STAU2: variants seen among roughly 807,000 people sequenced by gnomAD.
STAU2 encodes double-stranded RNA-binding protein Staufen homolog 2.
Under a neutral mutation model 65.9 loss-of-function variants are expected in STAU2, and 20 were observed. The ratio of observed to expected loss-of-function variants is 0.30; its 90% CI spans 0.21 to 0.44. The LOEUF (loss-of-function observed/expected upper bound fraction) is 0.44. Ranked by LOEUF, STAU2 falls within the 20% of genes least tolerant of loss-of-function variation. The pLI is 1.00. For synonymous variants in STAU2, 232 were observed against 233.9 expected (o/e 0.99, Z 0.07); for missense variants, 558 against 683.9 (o/e 0.82, Z 2.05).
chr8:73,612,571 A>G (rs1211455784), intron 9 of STAU2, among the ~76,000 whole-genome samples: 1 of 152,202 alleles, frequency 6.6e-6, no homozygotes, highest in African/African-American at 2.4e-5. Context: ...TACATATAAC[A>G]TATAATTCCA....
chr8:73,444,669 C>T (rs905544428), intron 13 of STAU2, among the ~76,000 whole-genome samples: 2 of 152,172 alleles, frequency 1.3e-5, no homozygotes, highest in Admixed American at 1.3e-4. Context: ...TCTTATGTAT[C>T]TCAGTATCTT....
At position 73,651,146 on chromosome 8, in the gene STAU2, T is replaced by C. The variant is rs1815838914; in HGVS notation, c.410+21961A>G. ...CCTGCCGAGGTCTCCCTGGGGAGCCTCCCTGGCCCGGACCAGGCATCGGGC... is the reference window on the plus strand; with the variant it reads ...CCTGCCGAGGTCTCCCTGGGGAGCCCCCCTGGCCCGGACCAGGCATCGGGC... On this transcript the variant is annotated intron_variant, in intron 6 of 14. Coordinates refer to ENST00000524300, the MANE Select transcript of STAU2 (RefSeq NM_001164380.2). The C allele has an allele frequency of 3.1e-6, 4 of 1,278,552 alleles. No individual in the cohort carries two copies. The South Asian group carries it at 5.1e-5, about 16-fold the overall frequency. 79.2% of individuals were successfully genotyped at this position (1,278,552 alleles called of 1,614,324 possible).
At chr8:73,623,291 T>C (rs780838314) in intron 6 of STAU2, among the ~76,000 whole-genome samples, 2 of 152,204 alleles carry the variant, frequency 1.3e-5, no homozygotes, top group African/African-American at 2.4e-5. Context: ...CTCCCTACCA[T>C]TCTGTGACTG....
intron 5 of STAU2, among the ~76,000 whole-genome samples, chr8:73,682,983 T>TA (rs1360005875): frequency 6.6e-6 from 1 of 151,362 alleles, no homozygotes; most frequent in South Asian, 2.1e-4. Flanking sequence ...ACAACAACAA[T>TA]AAAAAAAGCC....
chr8:73,574,216 A>G (rs1006677663), intron 12 of STAU2, among the ~76,000 whole-genome samples: 3 of 152,240 alleles, frequency 2.0e-5, no homozygotes, highest in African/African-American at 7.2e-5. Context: ...ATACCATCTC[A>G]TACCAGTTAG....
intron 6 of STAU2, chr8:73,672,901 GAAA>G (rs11287395): frequency 1.3e-4 from 39 of 297,466 alleles, no homozygotes; most frequent in East Asian, 2.9e-4. Context: ...TGGGGTAGGG[GAAA>G]AAAAAAAAAA....
intron 13 of STAU2, among the ~76,000 whole-genome samples, chr8:73,505,428 T>C (rs931044521): frequency 6.6e-6 from 1 of 151,856 alleles, no homozygotes; most frequent in Non-Finnish European, 1.5e-5. Context: ...CTAAAAAAAT[T>C]GGAAATAAGA....
At chr8:73,649,622 A>C (rs1815673335) in intron 6 of STAU2, among the ~76,000 whole-genome samples, 1 of 151,984 alleles carries the variant, frequency 6.6e-6, no homozygotes, top group Non-Finnish European at 1.5e-5. Context: ...AAATAGGATT[A>C]ACAAACTCAA....
intron 6 of STAU2, among the ~76,000 whole-genome samples, chr8:73,664,096 T>C (rs928910065): frequency 7.9e-5 from 12 of 152,166 alleles, no homozygotes; most frequent in African/African-American, 2.9e-4. Flanking sequence ...CTGCGTTGCC[T>C]AGGCTGGAAT....
rs78690663 is a variant in STAU2 at position 73,595,786 on chromosome 8, A to G, written c.1030-489T>C. On this transcript the variant is annotated intron_variant, in intron 10 of 14. Coordinates refer to ENST00000524300, the MANE Select transcript of STAU2 (RefSeq NM_001164380.2). ...TTATATTAAATAGTTCCTGAAGAGA[A>G]TTAATATACAAGTGTTCCTACAACA... Among the ~76,000 whole-genome samples, 1,379 of 152,244 alleles carry G rather than the reference A, an allele frequency of 9.1e-3. 10 individuals are homozygous for G. Among genetic ancestry groups the G allele is most frequent in the Non-Finnish European group, 0.015 (1,026 of 68,002 alleles).
rs1006443208 is a variant in STAU2 at position 73,658,742 on chromosome 8, G to A, written c.410+14365C>T. 2.6e-5 allele frequency among the ~76,000 whole-genome samples: 4 copies of A among 151,812 alleles called. 1 individual carries two copies. Among genetic ancestry groups the A allele is most frequent in the East Asian group, 1.9e-4 (1 of 5,148 alleles). On this transcript the variant is annotated intron_variant, in intron 6 of 14. Transcript: ENST00000524300. ...AGCCTGGCCAACATGGTGAAACCCCGTCTTCACTACAAATACAAAAATTAG... is the reference window on the plus strand; with the variant it reads ...AGCCTGGCCAACATGGTGAAACCCCATCTTCACTACAAATACAAAAATTAG...
chr8:73,512,283 CA>C (rs2128924482), intron 13 of STAU2, among the ~76,000 whole-genome samples: 1 of 152,270 alleles, frequency 6.6e-6, no homozygotes, highest in African/African-American at 2.4e-5. Flanking sequence ...CTGCTATCCC[CA>C]AAAGCCTGCT....
Position 73,618,767 on chromosome 8 carries a change from G to T in STAU2, c.411-1316C>A, listed in dbSNP as rs558949694. 1.3e-4 allele frequency among the ~76,000 whole-genome samples: 20 copies of T among 152,320 alleles called. No homozygotes were observed. The South Asian group carries it at 1.4e-3, about 11-fold the overall frequency. On this transcript the variant is annotated intron_variant, in intron 6 of 14. Coordinates refer to ENST00000524300, the MANE Select transcript of STAU2 (RefSeq NM_001164380.2). ...GAAAGGTGACAGTGGCCTGAACTAGGGTGTAGCAATGGAAGTAACGAGAAG... is the reference window on the plus strand; with the variant it reads ...GAAAGGTGACAGTGGCCTGAACTAGTGTGTAGCAATGGAAGTAACGAGAAG...
Position 73,420,472 on chromosome 8 carries a change from C to T in STAU2, c.*900G>A, listed in dbSNP as rs1816315367. On this transcript the variant is annotated 3_prime_UTR_variant, in exon 15 of 15. Transcript: ENST00000524300. ...CTGGAAGCAACTCCAACAGGTTTTT[C>T]CCTTCCCCGTCATGTACATTATTTA... The T allele has an allele frequency of 3.5e-6, 1 of 284,398 alleles. No homozygotes were observed. Among genetic ancestry groups the T allele is most frequent in the African/African-American group, 2.2e-5 (1 of 46,032 alleles). The allele number at this position is 284,398 out of a possible 1,614,324, so 17.6% of individuals were successfully genotyped here.
intron 13 of STAU2, among the ~76,000 whole-genome samples, chr8:73,445,758 A>T (rs1225492409): frequency 1.3e-5 from 2 of 152,210 alleles, no homozygotes; most frequent in African/African-American, 4.8e-5. Context: ...AAGATGCTCA[A>T]TATCACTGGC....
chr8:73,586,406 A>T (rs1474634419), intron 11 of STAU2, among the ~76,000 whole-genome samples: 1 of 152,036 alleles, frequency 6.6e-6, no homozygotes, highest in East Asian at 1.9e-4. Context: ...TCAGGTGCCT[A>T]CCCCTTCCTA....
chr8:73,589,481 C>G lies in STAU2; in HGVS notation c.1161+5685G>C, dbSNP rs540379782. ...AGGTTGAAAGACCAACTGGAAAAAG[C>G]AGATAACATACATGAGCATATGGGG... On this transcript the variant is annotated intron_variant, in intron 11 of 14. Transcript: ENST00000524300. Among the ~76,000 whole-genome samples the G allele has an allele frequency of 1.1e-3, 174 of 152,240 alleles. 1 individual carries two copies. Among genetic ancestry groups the G allele is most frequent in the African/African-American group, 4.0e-3 (167 of 41,548 alleles).
chr8:73,673,438 C>T lies in STAU2; in HGVS notation c.275-196G>A, dbSNP rs1437008819. 2.0e-5 allele frequency among the ~76,000 whole-genome samples: 3 copies of T among 152,024 alleles called. No individual in the cohort carries two copies. In the East Asian group the frequency reaches 5.8e-4, roughly 29 times the overall value. ...TTCCTAATAAAATCTTGGGATTTTG[C>T]AATGTTTTCTGTACATTAATGACAA... On this transcript the variant is annotated intron_variant, in intron 5 of 14. Coordinates refer to ENST00000524300, the MANE Select transcript of STAU2 (RefSeq NM_001164380.2).
rs894299377 is a variant in STAU2 at position 73,738,358 on chromosome 8, C to A, written c.-83-9G>T. On this transcript the variant is annotated splice_polypyrimidine_tract_variant and intron_variant, in intron 2 of 14. Transcript: ENST00000524300. ...CCTCACGGCTCCAAAAACTGGAAAA[C>A]GAAAATGAAGAAATAAAGTTCAACT... 6.3e-7 allele frequency: 1 copy of A among 1,579,350 alleles called. No homozygotes were observed. The highest frequency in any genetic ancestry group is 1.2e-5 in the South Asian group (1 of 84,922).
Sources: gnomAD v4.1 joint callset for allele counts (sites outside exome capture counted in the v4.1 genomes callset) on GRCh38, gnomAD v4.1.1 for gene constraint, MANE v1.5 for transcripts, NCBI Gene and HGNC (gene_info 2026-07-23, HGNC 2026-07-21) for gene names.